The following DHX33 variants were observed in gnomAD, a reference collection of about 807,000 sequenced individuals.
DHX33 encodes ATP-dependent RNA helicase DHX33.
In DHX33, 42 loss-of-function variants were observed where a neutral mutation model predicts 72.5. The observed-to-expected ratio is 0.58, with a 90% CI of 0.45 to 0.75. The LOEUF (loss-of-function observed/expected upper bound fraction) is 0.75, where lower values mean the gene tolerates loss of function less well. DHX33 is among the 30% of genes least tolerant of loss of function. The pLI, the probability that DHX33 is intolerant of heterozygous loss-of-function variation, is 0.00. For synonymous variants in DHX33, 358 were observed against 366.1 expected, an observed-to-expected ratio of 0.98 and a Z score of 0.25; for missense variants, 842 against 917.5, an observed-to-expected ratio of 0.92 and a Z score of 1.06.
intron 5 of DHX33, 138 bp downstream of exon 5, chr17:5,455,859 C>T: frequency 2.3e-6 from 2 of 885,060 alleles, no homozygotes; most frequent in Non-Finnish European, 3.4e-6. Flanking sequence ...ATTCCTGCAC[C>T]TCCTCAGTGC....
intron 9 of DHX33, 141 bp from the exon 10 acceptor site, chr17:5,450,547 T>C: frequency 1.0e-6 from 1 of 1,004,702 alleles, no homozygotes. Flanking sequence ...TGTACATTAG[T>C]GTTATTTCAC....
intron 1 of DHX33, among the ~76,000 whole-genome samples, chr17:5,465,209 A>G (rs1904823758): frequency 6.6e-6 from 1 of 152,042 alleles, no homozygotes; most frequent in Non-Finnish European, 1.5e-5. Context: ...TCTAGCTACC[A>G]CCAGGCCTCT....
At chr17:5,451,569 G>A (rs1916915362) in intron 8 of DHX33, among the ~76,000 whole-genome samples, 1 of 152,114 alleles carries the variant, frequency 6.6e-6, no homozygotes, top group African/African-American at 2.4e-5. Context: ...ACATAACAGT[G>A]GAAATAGCAG....
In DHX33 at chr17:5,453,594, G is replaced by C; in HGVS notation, c.1382C>G (p.Ser461Trp). Reference protein sequence around the residue: ...VPNVLTFDFMSKPSPDHIQAA... With the variant: ...VPNVLTFDFMWKPSPDHIQAA... ...ATTTCACTTACCTGGAGATGGCTTC[G>C]ACATGAAGTCAAAGGTGAGCACATT... is the stretch of plus-strand genomic sequence containing the variant. The change falls in exon 8 of 12, where the codon TCG (serine) becomes TGG (tryptophan). Residue 461 changes from serine to tryptophan, a missense_variant. Transcript: ENST00000225296. 1 of 1,614,092 alleles carries C rather than the reference G, an allele frequency of 6.2e-7. No individual in the cohort carries two copies. Among genetic ancestry groups the C allele is most frequent in the Non-Finnish European group, 8.5e-7 (1 of 1,180,010 alleles).
intron 11 of DHX33, among the ~76,000 whole-genome samples, chr17:5,447,116 G>C (rs922716020): frequency 6.6e-6 from 1 of 152,206 alleles, no homozygotes; most frequent in Non-Finnish European, 1.5e-5. Context: ...GAACACTTCC[G>C]CTACCCTCTA....
chr17:5,459,321 A>G (rs538983367), intron 4 of DHX33, among the ~76,000 whole-genome samples: 114 of 152,322 alleles, frequency 7.5e-4, no homozygotes, highest in African/African-American at 2.6e-3. Flanking sequence ...TGACTTAATG[A>G]TTCAAATTTT....
chr17:5,455,163 G>T lies in DHX33; in HGVS notation c.1144C>A (p.Pro382Thr), dbSNP rs144538876. The T allele has an allele frequency of 6.9e-5, 111 of 1,612,382 alleles. No homozygotes were observed. The African/African-American group carries it at 1.3e-3, about 19-fold the overall frequency. Residue 382 changes from proline to threonine, a missense_variant, in exon 6 of 12, where the codon CCT (proline) becomes ACT (threonine). Transcript: ENST00000225296. ...TTCATGAACTACAAATTCTCACCAG[G>T]GTTATACTTCTTTGCTTTAACCATG... ...TGMVKAKKYNPDSGLEVLAVQ... is the reference protein window; with the variant it reads ...TGMVKAKKYNTDSGLEVLAVQ...
intron 6 of DHX33, among the ~76,000 whole-genome samples, chr17:5,454,567 A>T (rs1400751203): frequency 6.6e-6 from 1 of 152,216 alleles, no homozygotes; most frequent in Non-Finnish European, 1.5e-5. Flanking sequence ...TCATCACAAA[A>T]AGATACACCT....
At position 5,468,577 on chromosome 17, in the gene DHX33, G is replaced by A. The variant is rs991957666; in HGVS notation, c.283C>T (p.Leu95Phe). 5.0e-6 allele frequency: 8 copies of A among 1,607,434 alleles called. No homozygotes were observed. The South Asian group carries it at 6.7e-5, about 13-fold the overall frequency. ...AQLRNLDNAV[L>F]IGETGSGKTT... ...CGCCGGCGCGGCCACTCACCGATGAGGACCGCGTTGTCCAGGTTTCGGAGC... is the reference window on the plus strand; with the variant it reads ...CGCCGGCGCGGCCACTCACCGATGAAGACCGCGTTGTCCAGGTTTCGGAGC... Residue 95 changes from leucine to phenylalanine, a missense_variant, in exon 1 of 12, where the codon CTC (leucine) becomes TTC (phenylalanine). By Grantham distance (22) the Leu-to-Phe change is conservative. Coordinates refer to ENST00000225296, the MANE Select transcript of DHX33 (RefSeq NM_020162.4).
chr17:5,450,686 G>C, intron 9 of DHX33, 121 bp downstream of exon 9: 1 of 1,421,354 alleles, frequency 7.0e-7, no homozygotes, highest in Non-Finnish European at 9.6e-7. Context: ...TGCAAACTAG[G>C]GGTTGGTAAT....
At chr17:5,449,549 G>A (rs1357170789) in intron 10 of DHX33, among the ~76,000 whole-genome samples, 3 of 152,166 alleles carry the variant, frequency 2.0e-5, no homozygotes, top group African/African-American at 4.8e-5. Context: ...TGATTCTCAT[G>A]CCTCAGCCTC....
chr17:5,465,798 T>C (rs950963324), intron 1 of DHX33, among the ~76,000 whole-genome samples: 1 of 152,230 alleles, frequency 6.6e-6, no homozygotes, highest in African/African-American at 2.4e-5. Flanking sequence ...AAGGGCCCAC[T>C]TGAAGCCCAG....
chr17:5,453,751 A>T (rs986038869), intron 7 of DHX33, 70 bp downstream of exon 7: 3 of 1,612,344 alleles, frequency 1.9e-6, no homozygotes, highest in Non-Finnish European at 2.5e-6. Context: ...GTGAGTAAAA[A>T]CTGCAGCTCT....
chr17:5,463,588 C>G lies in DHX33; in HGVS notation c.391G>C (p.Ala131Pro). Residue 131 changes from alanine (A) to proline (P), a missense_variant, in exon 2 of 12, where the codon GCT becomes CCT. Transcript: ENST00000225296. Reference sequence around the variant, plus strand: ...ACTCTAGTAGCAAGAGAGATGGCAGCTACTCGACGAGGCTGGGTCACAGCA... The same window carrying G: ...ACTCTAGTAGCAAGAGAGATGGCAGGTACTCGACGAGGCTGGGTCACAGCA... ...IIAVTQPRRV[A>P]AISLATRVSD... The G allele has an allele frequency of 6.2e-7, 1 of 1,614,098 alleles. No homozygotes were observed.
At chr17:5,461,764 G>C (rs1346811874) in intron 3 of DHX33, among the ~76,000 whole-genome samples, 1 of 151,502 alleles carries the variant, frequency 6.6e-6, no homozygotes, top group Non-Finnish European at 1.5e-5. Flanking sequence ...GGCCAGGCTG[G>C]TCTCGATCTC....
At position 5,468,825 on chromosome 17, in the gene DHX33, C is replaced by A. The variant is rs779864363; in HGVS notation, c.35G>T (p.Arg12Ile). The A allele has an allele frequency of 1.3e-6, 2 of 1,574,794 alleles. No homozygotes were observed. The highest frequency in any genetic ancestry group is 2.3e-5 in the South Asian group (2 of 86,674). ...CGGAGGTCCAGAGCCTGGCCGGAAT[C>A]TCTTGGCCGGCGGGAAGCCCGCCTC... ...PEEAGFPPAK[R>I]FRPGSGPPSR... Residue 12 changes from arginine to isoleucine, a missense_variant, in exon 1 of 12, where the codon AGA becomes ATA. Arg to Ile is a moderately conservative substitution (Grantham distance 97, BLOSUM62 -3). Coordinates refer to ENST00000225296, the MANE Select transcript of DHX33 (RefSeq NM_020162.4).
In DHX33 at chr17:5,444,241, C is replaced by T. The variant is rs968382662; in HGVS notation, c.2088G>A (p.Glu696=). Residue 696 remains glutamate (E), a synonymous_variant, in exon 12 of 12, where the codon GAG becomes GAA. Transcript: ENST00000225296. The surrounding 1 kb of genome is among the most constrained non-coding windows in gnomAD (Gnocchi z 4.9). ...DAQWLYEAAP[E]YFRRKLRTAR... is the part of the protein sequence containing the mutation. ...CGGTTCTCAGCTTCCTCCTAAAGTA[C>T]TCAGGGGCAGCCTCGTACAGCCACT... The T allele has an allele frequency of 6.2e-7, 1 of 1,614,212 alleles. No homozygotes were observed. The highest frequency in any genetic ancestry group is 8.5e-7 in the Non-Finnish European group (1 of 1,180,050).
intron 1 of DHX33, among the ~76,000 whole-genome samples, chr17:5,465,248 G>A (rs1459039697): frequency 6.6e-6 from 1 of 152,102 alleles, no homozygotes; most frequent in African/African-American, 2.4e-5. Context: ...CCAGTCCCAT[G>A]ATTTGTGGGT....
At position 5,443,515 on chromosome 17, in the gene DHX33, T is replaced by C. The variant is rs1181929250; in HGVS notation, c.*690A>G. On this transcript the variant is annotated 3_prime_UTR_variant, in exon 12 of 12. Transcript: ENST00000225296. ...GAGGACCAGGAGGCTCCTTTACTGG[T>C]CTCTGCTTGGAGACAGACACAGAGT... 1 of 152,026 alleles carries C rather than the reference T, an allele frequency of 6.6e-6. No homozygotes were observed. The highest frequency in any genetic ancestry group is 2.4e-5 in the African/African-American group (1 of 41,370). The allele number at this position is 152,026 out of a possible 1,614,324, so 9.4% of individuals were successfully genotyped here. A position where few individuals can be genotyped will look rare whatever the true frequency, so the allele number is the denominator to read the frequency against.
Sources: gnomAD v4.1 joint callset for allele counts (sites outside exome capture counted in the v4.1 genomes callset) on GRCh38, gnomAD v4.1.1 for gene constraint, Gnocchi (gnomAD v3.1) non-coding constraint, MANE v1.5 for transcripts, NCBI Gene and HGNC (gene_info 2026-07-23, HGNC 2026-07-21) for gene names.